CD72: variants seen among roughly 807,000 people sequenced by gnomAD.
CD72 encodes B-cell differentiation antigen CD72.
A neutral mutation model predicts 50.7 loss-of-function variants in CD72; 28 were observed. The ratio of observed to expected loss-of-function variants is 0.55; its 90% confidence interval spans 0.41 to 0.76. The LOEUF (loss-of-function observed/expected upper bound fraction) is 0.76. Ranked by LOEUF, CD72 falls within the 30% of genes least tolerant of loss-of-function variation. The pLI, the probability that CD72 is intolerant of heterozygous loss-of-function variation, is 0.00. For missense variants in CD72, 403 were observed against 420.6 expected (o/e 0.96, Z 0.37); for synonymous variants, 176 against 171.2 (o/e 1.03, Z -0.22).
chr9:35,633,169 T>C (rs1354591940), intron 1 of CD72, among the ~76,000 whole-genome samples: 1 of 151,402 alleles, frequency 6.6e-6, no homozygotes, highest in Admixed American at 6.6e-5. Context: ...TTCGAACTCC[T>C]AAGCTCAAGT....
intron 1 of CD72, among the ~76,000 whole-genome samples, chr9:35,637,440 C>A (rs539667709): frequency 1.3e-5 from 2 of 152,196 alleles, no homozygotes; most frequent in African/African-American, 4.8e-5. Flanking sequence ...AACCTCGGGT[C>A]CTCAGACCAA....
intron 5 of CD72, among the ~76,000 whole-genome samples, chr9:35,615,369 C>G (rs1031652709): frequency 5.3e-5 from 8 of 152,114 alleles, no homozygotes; most frequent in Non-Finnish European, 1.0e-4. Flanking sequence ...TTATGTGTCC[C>G]TTTCCCCATC....
At chr9:35,645,753 A>C (rs1218395073) in intron 1 of CD72, among the ~76,000 whole-genome samples, 2 of 152,202 alleles carry the variant, frequency 1.3e-5, no homozygotes, top group Non-Finnish European at 2.9e-5. Context: ...CCTCCTTGTA[A>C]GAAAACCAAG....
At chr9:35,642,526 C>A (rs924704461) in intron 1 of CD72, 2 of 152,218 alleles carry the variant, frequency 1.3e-5, no homozygotes, top group African/African-American at 4.8e-5. Context: ...AGGTATGCCA[C>A]GTGTTGCAAG....
chr9:35,634,225 T>C (rs1823270471), intron 1 of CD72, among the ~76,000 whole-genome samples: 1 of 152,228 alleles, frequency 6.6e-6, no homozygotes, highest in Admixed American at 6.5e-5. Context: ...TGTCATTCTA[T>C]TAATAGTTAC....
chr9:35,616,951 G>C (rs928974420), intron 3 of CD72: 7 of 1,416,244 alleles, frequency 4.9e-6, no homozygotes, highest in Non-Finnish European at 6.5e-6. Flanking sequence ...CGGAGAGAGG[G>C]GAAGGGGGGC....
intron 1 of CD72, among the ~76,000 whole-genome samples, chr9:35,629,918 A>G (rs1481425712): frequency 6.6e-6 from 1 of 152,038 alleles, no homozygotes; most frequent in African/African-American, 2.4e-5. Flanking sequence ...GTTTTTGTAT[A>G]TACAATCACC....
intron 1 of CD72, among the ~76,000 whole-genome samples, chr9:35,631,718 C>A (rs1037390730): frequency 6.6e-6 from 1 of 152,060 alleles, no homozygotes; most frequent in Non-Finnish European, 1.5e-5. Flanking sequence ...CACGGTGAAA[C>A]CCCGTCTCTA....
At chr9:35,618,623 T>C (rs1823106022), upstream of CD72, 8 of 591,786 alleles carry the variant, frequency 1.4e-5, no homozygotes, top group Non-Finnish European at 2.0e-5. Flanking sequence ...CTTAAACCCA[T>C]ATGGGCCATG....
At chr9:35,627,648 G>A (rs1384690895) in intron 1 of CD72, among the ~76,000 whole-genome samples, 2 of 152,088 alleles carry the variant, frequency 1.3e-5, no homozygotes, top group Admixed American at 6.6e-5. Flanking sequence ...AGAAATGAAG[G>A]TCTGGCTCAC....
intron 1 of CD72, among the ~76,000 whole-genome samples, chr9:35,632,872 C>G (rs1005848265): frequency 2.6e-5 from 4 of 151,982 alleles, no homozygotes; most frequent in African/African-American, 9.7e-5. Flanking sequence ...GCCACTGTGC[C>G]CAGCCTTATT....
chr9:35,626,008 A>G (rs553296627), intron 1 of CD72, among the ~76,000 whole-genome samples: 1 of 152,020 alleles, frequency 6.6e-6, no homozygotes, highest in African/African-American at 2.4e-5. Flanking sequence ...TCCATTCTGT[A>G]GCCCGTGGGT....
In CD72 at chr9:35,610,769, G is replaced by A. The variant is rs117344011; in HGVS notation, c.951-16C>T. 0.014 allele frequency: 22,686 copies of A among 1,604,088 alleles called. 199 individuals are homozygous for A. Among genetic ancestry groups the A allele is most frequent in the Middle Eastern group, 0.038 (228 of 6,050 alleles). On this transcript the variant is annotated splice_polypyrimidine_tract_variant and intron_variant, in intron 7 of 8. Transcript: ENST00000259633. ...AGCATAAGTCCTAAAAAGTAGTAAG[G>A]TAGAGCTGGGATATGCTCTGGACAT...
intron 1 of CD72, among the ~76,000 whole-genome samples, chr9:35,632,843 G>A (rs998116631): frequency 6.6e-6 from 1 of 151,664 alleles, no homozygotes; most frequent in Non-Finnish European, 1.5e-5. Context: ...CTACCAAAGT[G>A]CTGGGATTTC....
chr9:35,637,710 A>T (rs1823304050), intron 1 of CD72, among the ~76,000 whole-genome samples: 1 of 152,014 alleles, frequency 6.6e-6, no homozygotes, highest in African/African-American at 2.4e-5. Context: ...TGCCTGCCTG[A>T]TTATTCACCC....
At chr9:35,640,180 T>C (rs905558487) in intron 1 of CD72, among the ~76,000 whole-genome samples, 2 of 152,260 alleles carry the variant, frequency 1.3e-5, no homozygotes, top group African/African-American at 4.8e-5. Flanking sequence ...GCAGACTCCA[T>C]AAGTTAAGGG....
chr9:35,616,490 A>C, intron 4 of CD72, 110 bp downstream of exon 4: 1 of 993,262 alleles, frequency 1.0e-6, no homozygotes, highest in South Asian at 1.3e-5. Flanking sequence ...CCCAAAGCTA[A>C]GGAGGTGGTG....
intron 1 of CD72, among the ~76,000 whole-genome samples, chr9:35,633,864 CCATTGTTAAG>C (rs1434152100): frequency 6.6e-6 from 1 of 152,108 alleles, no homozygotes; most frequent in Non-Finnish European, 1.5e-5. Context: ...CTAAGTTAAA[CCATTGTTAAG>C]TCGGGGATTG....
rs772534664 is a variant in CD72 at position 35,616,600 on chromosome 9, A to G, written c.352T>C (p.Tyr118His). Reference protein sequence around the residue: ...GVTAICLGVRYLQVSQQLQQT... With the variant: ...GVTAICLGVRHLQVSQQLQQT... ...GGGAAGTAGGGACAGCCTTACTCAC[A>G]GCGCACTCCCAGGCAGATGGCGGTC... is the stretch of plus-strand genomic sequence containing the variant. Residue 118 changes from tyrosine to histidine, a missense_variant and splice_region_variant, in exon 4 of 9, where the codon TAT becomes CAT. Physicochemically the swap from Tyr to His is moderately conservative, Grantham distance 83 (BLOSUM62 2). Coordinates refer to ENST00000259633, the MANE Select transcript of CD72 (RefSeq NM_001782.3). 1.2e-6 allele frequency: 2 copies of G among 1,612,402 alleles called. No homozygotes were observed. The highest frequency in any genetic ancestry group is 1.7e-4 in the Middle Eastern group (1 of 6,038).
Sources: allele counts gnomAD v4.1 joint callset (sites outside exome capture counted in the v4.1 genomes callset), GRCh38; gene constraint gnomAD v4.1.1; transcripts MANE v1.5; gene names NCBI Gene and HGNC (gene_info 2026-07-23, HGNC 2026-07-21).